Variants in KIAA0408 observed in about 807,000 individuals in gnomAD.
KIAA0408 encodes uncharacterized protein KIAA0408.
Under a neutral mutation model 60.9 loss-of-function variants are expected in KIAA0408, and 51 were observed. That is an observed-to-expected ratio of 0.84 (90% CI 0.67 to 1.06). The LOEUF (loss-of-function observed/expected upper bound fraction) is 1.06, where lower values mean the gene tolerates loss of function less well. KIAA0408 is among the 50% of genes least tolerant of loss of function. The probability of loss-of-function intolerance (pLI) is 0.00; values close to 1 mark genes in which losing one functional copy is unlikely to be tolerated. For missense variants in KIAA0408, 787 were observed against 833.9 expected (o/e 0.94, Z 0.69); for synonymous variants, 304 against 282.4 (o/e 1.08, Z -0.77).
chr6:127,444,626 TAGTA>T (rs1773158323), intron 5 of KIAA0408, among the ~76,000 whole-genome samples: 1 of 152,178 alleles, frequency 6.6e-6, no homozygotes, highest in African/African-American at 2.4e-5. Flanking sequence ...AGTGCGCTGT[TAGTA>T]TGTTACAGTG....
At position 127,446,598 on chromosome 6, in the gene KIAA0408, G is replaced by A. The variant is rs771790738; in HGVS notation, c.1721C>T (p.Thr574Ile). Residue 574 changes from threonine to isoleucine, a missense_variant, in exon 5 of 6, where the codon ACA becomes ATA. Physicochemically the swap from Thr to Ile is moderately conservative, Grantham distance 89. Coordinates refer to ENST00000483725, the MANE Select transcript of KIAA0408 (RefSeq NM_014702.5). ...CTTAGAATTTTGCAATGCAGACTCT[G>A]TTGCTGTCTCATAGGTTTTCAGCAG... Reference protein sequence around the residue: ...EKLLKTYETATESALQNSKCF... With the variant: ...EKLLKTYETAIESALQNSKCF... 6.2e-6 allele frequency: 10 copies of A among 1,614,082 alleles called. No homozygotes were observed. The highest frequency in any genetic ancestry group is 1.1e-5 in the South Asian group (1 of 91,074).
At chr6:127,454,178 T>C (rs1185077502) in intron 1 of KIAA0408, 77 bp from the exon 2 acceptor site, 5 of 1,243,706 alleles carry the variant, frequency 4.0e-6, no homozygotes, top group Non-Finnish European at 4.0e-6. Flanking sequence ...TGTCGAGCCA[T>C]TGACATAAAC....
chr6:127,446,075 A>G (rs1484634262), intron 5 of KIAA0408, among the ~76,000 whole-genome samples: 1 of 152,242 alleles, frequency 6.6e-6, no homozygotes, highest in African/African-American at 2.4e-5. Context: ...CCTTTAAAAT[A>G]ATGAAATTCT....
At position 127,441,853 on chromosome 6, in the gene KIAA0408, T is replaced by G. The variant is rs1773112175; in HGVS notation, c.*2256A>C. 1 of 152,220 alleles carries G rather than the reference T, an allele frequency of 6.6e-6. No homozygotes were observed. Among genetic ancestry groups the G allele is most frequent in the Non-Finnish European group, 1.5e-5 (1 of 68,026 alleles). 9.4% of individuals were successfully genotyped at this position (152,220 alleles called of 1,614,324 possible). ...AGTTGGACTAGATGCTATTTTTTTT[T>G]TCTCAGCTCTAACTATAATTTTAGT... is the stretch of plus-strand genomic sequence containing the variant. On this transcript the variant is annotated 3_prime_UTR_variant, in exon 6 of 6. Transcript: ENST00000483725.
chr6:127,443,995 G>C lies in KIAA0408; in HGVS notation c.*114C>G. ...TAAAAACACTGAAGACTGATGGAAAGTTAAGATTCAAATTGCTTGTCGGAA... is the reference window on the plus strand; with the variant it reads ...TAAAAACACTGAAGACTGATGGAAACTTAAGATTCAAATTGCTTGTCGGAA... On this transcript the variant is annotated 3_prime_UTR_variant, in exon 6 of 6. Transcript: ENST00000483725. 1.1e-6 allele frequency: 1 copy of C among 893,780 alleles called. No individual in the cohort carries two copies. Among genetic ancestry groups the C allele is most frequent in the Non-Finnish European group, 1.7e-6 (1 of 585,464 alleles). The allele number at this position is 893,780 out of a possible 1,614,324, so 55.4% of individuals were successfully genotyped here.
intron 2 of KIAA0408, among the ~76,000 whole-genome samples, chr6:127,453,313 C>T (rs866688595): frequency 4.6e-5 from 7 of 152,074 alleles, no homozygotes; most frequent in African/African-American, 9.6e-5. Flanking sequence ...AATAAATATG[C>T]CACTAAATGT....
At chr6:127,457,286 T>C (rs1160374163) in intron 1 of KIAA0408, among the ~76,000 whole-genome samples, 1 of 152,174 alleles carries the variant, frequency 6.6e-6, no homozygotes, top group East Asian at 1.9e-4. Flanking sequence ...TGAGAAGTTA[T>C]GGGGTAAAGT....
At chr6:127,449,938 A>G in intron 3 of KIAA0408, 37 bp from the exon 4 acceptor site, 1 of 1,613,874 alleles carries the variant, frequency 6.2e-7, no homozygotes, top group Non-Finnish European at 8.5e-7. Flanking sequence ...TAGCACTTTG[A>G]AATGTAAATA....
At chr6:127,453,820 G>A (rs1322503257) in intron 2 of KIAA0408, 27 bp downstream of exon 2, 1 of 1,605,006 alleles carries the variant, frequency 6.2e-7, no homozygotes, top group African/African-American at 1.3e-5. Context: ...AAACATTACA[G>A]TATATCCAAA....
rs113699283 is a variant in KIAA0408, at chr6:127,448,779, A to G, written c.579-1039T>C. ...AGAAAATCTATTGCAAGTCAGCACA[A>G]AAATTCTTTCTGAGCTTCCTAACAA... On this transcript the variant is annotated intron_variant, in intron 4 of 5. Coordinates refer to ENST00000483725, the MANE Select transcript of KIAA0408 (RefSeq NM_014702.5). Among the ~76,000 whole-genome samples, 7 of 152,332 alleles carry G rather than the reference A, an allele frequency of 4.6e-5. 1 individual carries two copies. The highest frequency in any genetic ancestry group is 1.7e-4 in the African/African-American group (7 of 41,582).
At chr6:127,449,107 A>T (rs1773253155) in intron 4 of KIAA0408, among the ~76,000 whole-genome samples, 1 of 152,224 alleles carries the variant, frequency 6.6e-6, no homozygotes, top group Non-Finnish European at 1.5e-5. Flanking sequence ...GTAGAACATG[A>T]TTATATAAGC....
In KIAA0408 at chr6:127,439,611, A is replaced by G. The variant is rs542771949; in HGVS notation, c.*4498T>C. The G allele has an allele frequency of 9.3e-6, 1 of 107,682 alleles. No individual in the cohort carries two copies. Among genetic ancestry groups the G allele is most frequent in the Non-Finnish European group, 2.2e-5 (1 of 46,270 alleles). 6.7% of individuals were successfully genotyped at this position (107,682 alleles called of 1,614,324 possible). ...AAACAAAAATGAAAAAGAGCTGTTCAATCTTTTTTTTTTTTTGTCTTCTCT... is the reference window on the plus strand; with the variant it reads ...AAACAAAAATGAAAAAGAGCTGTTCGATCTTTTTTTTTTTTTGTCTTCTCT... On this transcript the variant is annotated 3_prime_UTR_variant, in exon 6 of 6. Transcript: ENST00000483725.
At chr6:127,453,445 C>G (rs1357283410) in intron 2 of KIAA0408, among the ~76,000 whole-genome samples, 6 of 151,966 alleles carry the variant, frequency 3.9e-5, no homozygotes, top group Non-Finnish European at 8.8e-5. Flanking sequence ...ACTCATAAAT[C>G]TTCTTAGGAA....
intron 1 of KIAA0408, among the ~76,000 whole-genome samples, chr6:127,458,748 G>A (rs184074132): frequency 3.3e-5 from 5 of 152,144 alleles, no homozygotes; most frequent in East Asian, 1.9e-4. Flanking sequence ...ATTTTTCACC[G>A]CAATTTTCAA....
intron 5 of KIAA0408, among the ~76,000 whole-genome samples, chr6:127,444,760 T>G (rs1329060254): frequency 6.6e-6 from 1 of 152,152 alleles, no homozygotes; most frequent in Non-Finnish European, 1.5e-5. Flanking sequence ...TGATGCTTTT[T>G]TTTTTCACTA....
In KIAA0408 at chr6:127,443,323, T is replaced by C. The variant is rs1773135143; in HGVS notation, c.*786A>G. On this transcript the variant is annotated 3_prime_UTR_variant, in exon 6 of 6. Coordinates refer to ENST00000483725, the MANE Select transcript of KIAA0408 (RefSeq NM_014702.5). The stretch of plus-strand genomic sequence containing the variant: ...TGTCATTTATAATGCAGTCTCATGA[T>C]ACTGTCTCTGAGGATCAAATATTCA... The C allele has an allele frequency of 6.6e-6, 1 of 152,180 alleles. No homozygotes were observed. The highest frequency in any genetic ancestry group is 2.4e-5 in the African/African-American group (1 of 41,454). The allele number at this position is 152,180 out of a possible 1,614,324, so 9.4% of individuals were successfully genotyped here.
rs200170150 is a variant in KIAA0408 at position 127,446,927 on chromosome 6, G to C, written c.1392C>G (p.Ser464Arg). The change falls in exon 5 of 6, where the codon AGC becomes AGG. Residue 464 changes from serine to arginine, a missense_variant. Physicochemically the swap from Ser to Arg is moderately radical, Grantham distance 110. Transcript: ENST00000483725. ...RNCQAIQQNH[S>R]CSKSSEDLKP... ...TGAGATCCTCCGATGATTTTGAGCA[G>C]CTGTGATTTTGCTGTATTGCCTGAC... 6.2e-7 allele frequency: 1 copy of C among 1,614,094 alleles called. No individual in the cohort carries two copies. Among genetic ancestry groups the C allele is most frequent in the Non-Finnish European group, 8.5e-7 (1 of 1,179,990 alleles).
chr6:127,446,292 A>C, intron 5 of KIAA0408, 116 bp downstream of exon 5: 1 of 1,495,206 alleles, frequency 6.7e-7, no homozygotes, highest in South Asian at 1.4e-5. Context: ...TCAAGAGGCT[A>C]AGAAGAGTCC....
In KIAA0408 at chr6:127,440,143, C is replaced by T. The variant is rs1343401789; in HGVS notation, c.*3966G>A. 6.6e-6 allele frequency: 1 copy of T among 151,908 alleles called. No homozygotes were observed. Among genetic ancestry groups the T allele is most frequent in the Non-Finnish European group, 1.5e-5 (1 of 67,976 alleles). 9.4% of individuals were successfully genotyped at this position (151,908 alleles called of 1,614,324 possible). On this transcript the variant is annotated 3_prime_UTR_variant, in exon 6 of 6. Coordinates refer to ENST00000483725, the MANE Select transcript of KIAA0408 (RefSeq NM_014702.5). ...AGATTTTAAGTATCATGATTTTATT[C>T]CCAATAAAACAAAAAATTATTTTCT...
Sources: gnomAD v4.1 joint callset for allele counts (sites outside exome capture counted in the v4.1 genomes callset) on GRCh38, gnomAD v4.1.1 for gene constraint, MANE v1.5 for transcripts, NCBI Gene and HGNC (gene_info 2026-07-23, HGNC 2026-07-21) for gene names.